DDX27: variants seen among roughly 807,000 people sequenced by gnomAD.
DDX27 encodes the protein DEAD-box helicase 27.
A neutral mutation model predicts 99.3 loss-of-function variants in DDX27; 42 were observed. The ratio of observed to expected loss-of-function variants is 0.42; its 90% confidence interval spans 0.33 to 0.55. DDX27 has a LOEUF of 0.55. Ranked by LOEUF, DDX27 falls within the 20% of genes least tolerant of loss-of-function variation. DDX27 has a pLI of 0.07. For missense variants in DDX27, 798 were observed against 976.8 expected, an observed-to-expected ratio of 0.82 and a Z score of 2.44; for synonymous variants, 329 against 353.8, an observed-to-expected ratio of 0.93 and a Z score of 0.79.
intron 6 of DDX27, among the ~76,000 whole-genome samples, chr20:49,225,645 T>C (rs978641889): frequency 1.3e-5 from 2 of 151,900 alleles, no homozygotes; most frequent in Admixed American, 6.6e-5. Context: ...TTAGTAGAGA[T>C]GGGGTTTCAC....
intron 16 of DDX27, 112 bp downstream of exon 16, chr20:49,239,450 C>A: frequency 1.4e-6 from 1 of 734,544 alleles, no homozygotes; most frequent in Non-Finnish European, 2.2e-6. Flanking sequence ...CTTTCGGCAC[C>A]AAGGACCAGT....
intron 4 of DDX27, among the ~76,000 whole-genome samples, chr20:49,224,561 C>G (rs536586759): frequency 5.6e-4 from 85 of 152,220 alleles, no homozygotes; most frequent in African/African-American, 2.0e-3. Flanking sequence ...TGGGGTTTCA[C>G]CATGTTGGAC....
At position 49,236,407 on chromosome 20, in the gene DDX27, G is replaced by A. The variant is rs754059647; in HGVS notation, c.1584G>A (p.Arg528=). The part of the protein sequence containing the change: ...HRVGRTARAG[R]AGRSVSLVGE... Reference sequence around the variant, plus strand: ...TGGGGCGAACAGCACGTGCTGGCAGGGCTGGGCGCTCAGTCTCTCTGGTGG... The same window carrying A: ...TGGGGCGAACAGCACGTGCTGGCAGAGCTGGGCGCTCAGTCTCTCTGGTGG... Residue 528 remains arginine, a synonymous_variant, in exon 14 of 21, where the codon AGG becomes AGA. Coordinates refer to ENST00000618172, the MANE Select transcript of DDX27 (RefSeq NM_017895.8). The surrounding 1 kb of genome is among the most constrained non-coding windows in gnomAD (Gnocchi z 4.1). 6.2e-6 allele frequency: 10 copies of A among 1,612,866 alleles called. No individual in the cohort carries two copies. In the Admixed American group the frequency reaches 6.7e-5, roughly 11 times the overall value.
At position 49,223,248 on chromosome 20, in the gene DDX27, C is replaced by T. The variant is rs1979755927; in HGVS notation, c.301-20C>T. The T allele has an allele frequency of 1.3e-6, 2 of 1,599,870 alleles. No individual in the cohort carries two copies. Among genetic ancestry groups the T allele is most frequent in the African/African-American group, 2.7e-5 (2 of 73,816 alleles). On this transcript the variant is annotated intron_variant, in intron 3 of 20. Coordinates refer to ENST00000618172, the MANE Select transcript of DDX27 (RefSeq NM_017895.8). ...ATTTCTAGAAGTTTCTCATCACCCTCACTTTAATTTTTTTCCCAGGATAAA... is the reference window on the plus strand; with the variant it reads ...ATTTCTAGAAGTTTCTCATCACCCTTACTTTAATTTTTTTCCCAGGATAAA...
intron 11 of DDX27, 99 bp from the exon 12 acceptor site, chr20:49,234,836 A>T: frequency 1.4e-6 from 2 of 1,397,630 alleles, no homozygotes. Flanking sequence ...CTGTCTATCC[A>T]GTGCCAGGCA....
At chr20:49,227,941 A>G (rs1360353673) in intron 7 of DDX27, among the ~76,000 whole-genome samples, 6 of 148,390 alleles carry the variant, frequency 4.0e-5, no homozygotes, top group African/African-American at 1.2e-4. Context: ...CCCGGGTTCA[A>G]GCGATTCTCC....
intron 1 of DDX27, 112 bp from the exon 2 acceptor site, chr20:49,221,333 GTGCCTTC>G (rs1979673904): frequency 8.9e-7 from 1 of 1,121,132 alleles, no homozygotes; most frequent in African/African-American, 1.6e-5. Context: ...CCTTGTCTGC[GTGCCTTC>G]GCCTCCTAAA....
chr20:49,235,999 T>A (rs1173971037), intron 12 of DDX27, 151 bp from the exon 13 acceptor site: 1 of 587,622 alleles, frequency 1.7e-6, no homozygotes, highest in Non-Finnish European at 2.9e-6. Flanking sequence ...CACCTCGGCC[T>A]CCCAAAGTGC....
At chr20:49,229,669 G>A (rs1277678699) in intron 8 of DDX27, among the ~76,000 whole-genome samples, 26 of 64,180 alleles carry the variant, frequency 4.1e-4, no homozygotes, top group Admixed American at 1.0e-3. Flanking sequence ...TTTTTTTTGA[G>A]AGGAAGTCTC....
At chr20:49,238,691 C>T (rs1468227310) in intron 14 of DDX27, 2 of 461,186 alleles carry the variant, frequency 4.3e-6, no homozygotes, top group Non-Finnish European at 7.7e-6. Flanking sequence ...TGGTCTCAAA[C>T]TCCTGACCTC....
intron 6 of DDX27, among the ~76,000 whole-genome samples, chr20:49,226,155 G>A (rs539763238): frequency 2.0e-5 from 3 of 152,166 alleles, no homozygotes; most frequent in Non-Finnish European, 2.9e-5. Context: ...ATTGTTTTCC[G>A]CAGCATCTCT....
At chr20:49,225,299 C>T (rs1979842311) in intron 6 of DDX27, 100 bp downstream of exon 6, 2 of 1,003,686 alleles carry the variant, frequency 2.0e-6, no homozygotes, top group African/African-American at 1.6e-5. Flanking sequence ...CCTCTTGCCT[C>T]AACCTCCCAG....
chr20:49,221,578 A>T lies in DDX27; in HGVS notation c.220A>T (p.Met74Leu), dbSNP rs144837519. The change falls in exon 2 of 21, where the codon ATG becomes TTG. Residue 74 changes from methionine to leucine, a missense_variant. Met to Leu is a conservative substitution (Grantham distance 15). Around this residue, in one of 2 missense-constraint regions of DDX27, gnomAD observed 245 missense variants for 248.8 expected, o/e 0.98. Coordinates refer to ENST00000618172, the MANE Select transcript of DDX27 (RefSeq NM_017895.8). Reference protein sequence around the residue: ...YDGSWALADVMSQLKKKRAAT... With the variant: ...YDGSWALADVLSQLKKKRAAT... Reference sequence around the variant, plus strand: ...TGGCAGCTGGGCCCTGGCTGATGTCATGAGCCAACTCAAGAAGAAGGTGAG... The same window carrying T: ...TGGCAGCTGGGCCCTGGCTGATGTCTTGAGCCAACTCAAGAAGAAGGTGAG... 1.3e-5 allele frequency: 21 copies of T among 1,606,560 alleles called. No homozygotes were observed. The highest frequency in any genetic ancestry group is 1.8e-5 in the Non-Finnish European group (21 of 1,176,196).
At chr20:49,230,109 C>G (rs1216896043) in intron 8 of DDX27, 90 bp from the exon 9 acceptor site, 1 of 1,438,484 alleles carries the variant, frequency 7.0e-7, no homozygotes, top group Non-Finnish European at 9.2e-7. Flanking sequence ...TTCTCTGCAT[C>G]TGGCCTGAGG....
chr20:49,227,001 T>G (rs879799846), intron 7 of DDX27, among the ~76,000 whole-genome samples: 139 of 149,110 alleles, frequency 9.3e-4, no homozygotes, highest in Admixed American at 2.9e-3. Context: ...TAGCTGGGAC[T>G]ACAGGCGCCC....
chr20:49,220,225 A>G (rs1308392606), intron 1 of DDX27, among the ~76,000 whole-genome samples: 1 of 152,080 alleles, frequency 6.6e-6, no homozygotes, highest in African/African-American at 2.4e-5. Flanking sequence ...CTCAAGCCAG[A>G]AACCTTAGAG....
intron 16 of DDX27, among the ~76,000 whole-genome samples, chr20:49,240,629 G>A (rs531333625): frequency 1.2e-4 from 19 of 152,162 alleles, no homozygotes; most frequent in South Asian, 1.0e-3. Context: ...GGATTTCACC[G>A]TGTTAGCCAG....
At chr20:49,232,984 C>T (rs1295848409) in intron 9 of DDX27, among the ~76,000 whole-genome samples, 1 of 150,592 alleles carries the variant, frequency 6.6e-6, no homozygotes, top group Non-Finnish European at 1.5e-5. Flanking sequence ...TTGAACGTGG[C>T]CTGTGCTTTA....
At chr20:49,232,043 G>A (rs1288455237) in intron 9 of DDX27, among the ~76,000 whole-genome samples, 2 of 151,968 alleles carry the variant, frequency 1.3e-5, no homozygotes, top group African/African-American at 2.4e-5. Context: ...ATGCTACCAT[G>A]CCTGGCTTAT....
Sources: allele counts gnomAD v4.1 joint callset (sites outside exome capture counted in the v4.1 genomes callset), GRCh38; gene constraint gnomAD v4.1.1; regional missense constraint gnomAD v4.1.1; non-coding constraint Gnocchi (gnomAD v3.1); transcripts MANE v1.5; gene names NCBI Gene and HGNC (gene_info 2026-07-23, HGNC 2026-07-21).